LRMDA: variants seen among roughly 807,000 people sequenced by gnomAD.
LRMDA encodes leucine rich melanocyte differentiation associated, also known as leucine-rich melanocyte differentiation-associated protein.
A neutral mutation model predicts 29.8 loss-of-function variants in LRMDA; 18 were observed. The ratio of observed to expected loss-of-function variants is 0.60; its 90% CI spans 0.42 to 0.90. LRMDA has a LOEUF of 0.90. LRMDA is among the 40% of genes least tolerant of loss of function. LRMDA has a pLI of 0.00. For synonymous variants in LRMDA, 125 were observed against 109.4 expected (o/e 1.14, Z -0.89); for missense variants, 273 against 273.9 (o/e 1.00, Z 0.02).
Position 76,355,122 on chromosome 10 carries a change from C to T in LRMDA, c.601+30637C>T, listed in dbSNP as rs558904583. ...CCTATAAAATAAGTATCAAACATGACCTTTGCCCTTGAAAAGCTTATGAGC... is the reference window on the plus strand; with the variant it reads ...CCTATAAAATAAGTATCAAACATGATCTTTGCCCTTGAAAAGCTTATGAGC... On this transcript the variant is annotated intron_variant, in intron 6 of 6. Transcript: ENST00000611255. Among the ~76,000 whole-genome samples, 28 of 152,192 alleles carry T rather than the reference C, an allele frequency of 1.8e-4. No individual in the cohort carries two copies. In the South Asian group the frequency reaches 5.6e-3, roughly 30 times the overall value.
intron 2 of LRMDA, among the ~76,000 whole-genome samples, chr10:75,603,177 A>C (rs1231170186): frequency 7.0e-6 from 1 of 143,720 alleles, no homozygotes; most frequent in Non-Finnish European, 1.5e-5. Flanking sequence ...CCTCATCTTA[A>C]AGTTTTTTTT....
intron 5 of LRMDA, among the ~76,000 whole-genome samples, chr10:76,207,415 C>A (rs1001752116): frequency 1.3e-5 from 2 of 152,170 alleles, no homozygotes; most frequent in African/African-American, 4.8e-5. Context: ...GGGAAGGGGG[C>A]TGGGAGTGTG....
chr10:76,163,104 G>A (rs1850676902), intron 5 of LRMDA, among the ~76,000 whole-genome samples: 1 of 152,124 alleles, frequency 6.6e-6, no homozygotes, highest in African/African-American at 2.4e-5. Context: ...GACATTATTG[G>A]AACATAAATG....
intron 5 of LRMDA, among the ~76,000 whole-genome samples, chr10:76,175,382 T>C (rs954747385): frequency 6.6e-6 from 1 of 152,176 alleles, no homozygotes; most frequent in Admixed American, 6.5e-5. Context: ...AACAGAGTTG[T>C]GTTGTAGTGA....
chr10:76,025,530 G>A (rs1466365998), intron 2 of LRMDA, among the ~76,000 whole-genome samples: 1 of 151,878 alleles, frequency 6.6e-6, no homozygotes, highest in East Asian at 1.9e-4. Context: ...AGAGCATTGA[G>A]AGCAGATTCC....
rs144169168 is a variant in LRMDA, at chr10:76,465,941, C to T, written c.602-91268C>T. On this transcript the variant is annotated intron_variant, in intron 6 of 6. Coordinates refer to ENST00000611255, the MANE Select transcript of LRMDA (RefSeq NM_001305581.2). ...CCAGTTATATGGGATTAGGGCCCACCCCAATGACCTCATTTTAACTTAATT... is the reference window on the plus strand; with the variant it reads ...CCAGTTATATGGGATTAGGGCCCACTCCAATGACCTCATTTTAACTTAATT... 2.2e-4 allele frequency among the ~76,000 whole-genome samples: 33 copies of T among 152,232 alleles called. No individual in the cohort carries two copies. In the East Asian group the frequency reaches 6.4e-3, roughly 29 times the overall value.
intron 5 of LRMDA, among the ~76,000 whole-genome samples, chr10:76,134,828 ATAAG>A (rs767268767): frequency 4.3e-4 from 66 of 152,338 alleles, no homozygotes; most frequent in Non-Finnish European, 6.6e-4. Flanking sequence ...TAAATAATAA[ATAAG>A]AATGAAAAAT....
chr10:75,649,578 C>T (rs950272935), intron 2 of LRMDA, among the ~76,000 whole-genome samples: 1 of 152,208 alleles, frequency 6.6e-6, no homozygotes, highest in African/African-American at 2.4e-5. Context: ...TGGACCACTT[C>T]TGTCTTTGTC....
At chr10:75,884,274 T>G (rs12415237) in intron 2 of LRMDA, among the ~76,000 whole-genome samples, 27 of 94,632 alleles carry the variant, frequency 2.9e-4, no homozygotes, top group African/African-American at 3.2e-4. Flanking sequence ...TGTGTGTGTG[T>G]GTGTGTGTGT....
At chr10:76,000,332 T>G (rs1208543402) in intron 2 of LRMDA, among the ~76,000 whole-genome samples, 1 of 152,154 alleles carries the variant, frequency 6.6e-6, no homozygotes, top group African/African-American at 2.4e-5. Context: ...TGAAGATGGC[T>G]CCTACTGCGG....
At chr10:76,087,980 C>T (rs1849163992) in intron 5 of LRMDA, among the ~76,000 whole-genome samples, 1 of 152,086 alleles carries the variant, frequency 6.6e-6, no homozygotes, top group African/African-American at 2.4e-5. Context: ...AAAAAATTAT[C>T]TGGACAAGGT....
intron 2 of LRMDA, among the ~76,000 whole-genome samples, chr10:75,527,558 C>CT (rs1405349958): frequency 4.1e-5 from 6 of 145,056 alleles, no homozygotes; most frequent in Non-Finnish European, 5.9e-5. Context: ...TGTTGTTTTC[C>CT]TTTTTTGAGA....
chr10:75,583,328 G>C (rs557912368), intron 2 of LRMDA, among the ~76,000 whole-genome samples: 1 of 152,180 alleles, frequency 6.6e-6, no homozygotes, highest in Non-Finnish European at 1.5e-5. Context: ...TCTGCAGGCT[G>C]TGCAGGAAGC....
chr10:76,338,744 T>G (rs1841000800), intron 6 of LRMDA, among the ~76,000 whole-genome samples: 1 of 152,034 alleles, frequency 6.6e-6, no homozygotes. Context: ...GAGGTGCATG[T>G]AATAAAATGA....
At chr10:75,502,653 G>A (rs1472881835) in intron 2 of LRMDA, among the ~76,000 whole-genome samples, 2 of 152,166 alleles carry the variant, frequency 1.3e-5, no homozygotes, top group Non-Finnish European at 2.9e-5. Flanking sequence ...GTGCAAGTAT[G>A]GGCTTAAGTT....
chr10:75,910,744 A>T (rs544017668), intron 2 of LRMDA, among the ~76,000 whole-genome samples: 1 of 152,266 alleles, frequency 6.6e-6, no homozygotes, highest in Admixed American at 6.5e-5. Flanking sequence ...TTGCTTGAGG[A>T]ATATCATAGC....
At chr10:75,455,210 C>T (rs539963054) in intron 2 of LRMDA, among the ~76,000 whole-genome samples, 12 of 152,282 alleles carry the variant, frequency 7.9e-5, no homozygotes, top group South Asian at 2.1e-4. Flanking sequence ...CCCAGAATAG[C>T]GTGATTTCCC....
chr10:76,096,864 T>C (rs1849319250), intron 5 of LRMDA, among the ~76,000 whole-genome samples: 1 of 152,178 alleles, frequency 6.6e-6, no homozygotes, highest in Non-Finnish European at 1.5e-5. Flanking sequence ...CTATTATAAA[T>C]GGTATGAGCT....
intron 5 of LRMDA, among the ~76,000 whole-genome samples, chr10:76,253,279 A>G (rs11001708): frequency 1.3e-5 from 2 of 152,198 alleles, no homozygotes; most frequent in Non-Finnish European, 1.5e-5. Flanking sequence ...AGGTTTAAGG[A>G]CATTGATTCA....
Sources: allele counts gnomAD v4.1 joint callset (sites outside exome capture counted in the v4.1 genomes callset), GRCh38; gene constraint gnomAD v4.1.1; transcripts MANE v1.5; gene names NCBI Gene and HGNC (gene_info 2026-07-23, HGNC 2026-07-21).